Variants in CYP7B1 observed in about 807,000 individuals in gnomAD.
The protein encoded by CYP7B1 is cytochrome P450 family 7 subfamily B member 1, also known as cytochrome P450 7B1.
A neutral mutation model predicts 42.7 loss-of-function variants in CYP7B1; 29 were observed. The ratio of observed to expected loss-of-function variants is 0.68; its 90% CI spans 0.51 to 0.93. The LOEUF is 0.93. CYP7B1 is among the 40% of genes least tolerant of loss of function. The pLI, the probability that CYP7B1 is intolerant of heterozygous loss-of-function variation, is 0.00. For missense variants in CYP7B1, 655 were observed against 600.5 expected (o/e 1.09, Z -0.95); for synonymous variants, 235 against 218.2 (o/e 1.08, Z -0.68).
intron 1 of CYP7B1, among the ~76,000 whole-genome samples, chr8:64,724,490 A>G (rs1297286874): frequency 1.3e-5 from 2 of 152,178 alleles, no homozygotes; most frequent in African/African-American, 4.8e-5. Flanking sequence ...TGACAACAGC[A>G]TATTATTCTG....
chr8:64,725,790 T>C (rs899545013), intron 1 of CYP7B1, among the ~76,000 whole-genome samples: 29 of 152,242 alleles, frequency 1.9e-4, no homozygotes, highest in African/African-American at 6.5e-4. Context: ...CACACAGTGA[T>C]AGAGAAAAGC....
intron 1 of CYP7B1, among the ~76,000 whole-genome samples, chr8:64,654,904 A>C (rs1046679083): frequency 2.6e-5 from 4 of 152,208 alleles, no homozygotes; most frequent in Non-Finnish European, 5.9e-5. Context: ...CAAAGCTGAC[A>C]AAAACAAGCA....
At chr8:64,797,509 T>C (rs1585920469) in intron 1 of CYP7B1, among the ~76,000 whole-genome samples, 1 of 151,982 alleles carries the variant, frequency 6.6e-6, no homozygotes, top group African/African-American at 2.4e-5. Context: ...CTCTGAAAAC[T>C]GACATGGGAA....
At chr8:64,632,294 T>C (rs1805708744) in intron 1 of CYP7B1, among the ~76,000 whole-genome samples, 1 of 152,232 alleles carries the variant, frequency 6.6e-6, no homozygotes, top group South Asian at 2.1e-4. Flanking sequence ...CGGAGGACAT[T>C]ATCCTAAATG....
intron 1 of CYP7B1, among the ~76,000 whole-genome samples, chr8:64,652,500 T>C (rs1467946817): frequency 6.6e-6 from 1 of 152,058 alleles, no homozygotes; most frequent in African/African-American, 2.4e-5. Context: ...ACAATAAAAA[T>C]AGAAGTCAAG....
intron 2 of CYP7B1, among the ~76,000 whole-genome samples, chr8:64,618,847 A>G (rs1284013408): frequency 6.6e-6 from 1 of 152,038 alleles, no homozygotes; most frequent in Non-Finnish European, 1.5e-5. Context: ...TGTAGATCTA[A>G]TCTCACTCCT....
chr8:64,599,984 C>T (rs1222099280), intron 5 of CYP7B1, among the ~76,000 whole-genome samples: 2 of 152,168 alleles, frequency 1.3e-5, no homozygotes, highest in African/African-American at 4.8e-5. Flanking sequence ...ATGTTTAAAG[C>T]CTTCAACACA....
intron 1 of CYP7B1, among the ~76,000 whole-genome samples, chr8:64,669,826 T>G (rs1422371263): frequency 4.6e-5 from 7 of 152,146 alleles, no homozygotes; most frequent in Admixed American, 4.6e-4. Context: ...TTGTAAAAAC[T>G]TGTTGGATGA....
intron 1 of CYP7B1, among the ~76,000 whole-genome samples, chr8:64,680,577 C>T (rs549510656): frequency 6.7e-6 from 1 of 148,304 alleles, no homozygotes; most frequent in East Asian, 1.9e-4. Flanking sequence ...CAAAAAAAAA[C>T]CACTGCATGG....
chr8:64,617,210 C>T (rs1400263054), intron 2 of CYP7B1, among the ~76,000 whole-genome samples: 4 of 152,036 alleles, frequency 2.6e-5, no homozygotes, highest in African/African-American at 7.2e-5. Context: ...GGGATGCTTG[C>T]GAAAAATACA....
intron 1 of CYP7B1, chr8:64,734,400 T>A (rs1488815837): frequency 6.6e-6 from 1 of 152,182 alleles, no homozygotes; most frequent in African/African-American, 2.4e-5. Context: ...GTGTCTGGTA[T>A]CTCTGCTTCT....
At position 64,738,637 on chromosome 8, in the gene CYP7B1, T is replaced by C. The variant is rs114483583; in HGVS notation, c.122+59829A>G. On this transcript the variant is annotated intron_variant, in intron 1 of 5. Transcript: ENST00000310193. ...TAAACTTCTGGTTTCAGCTCCAATA[T>C]GTAAAGAGCTGGGAAGTCATCACTT... 9.9e-3 allele frequency among the ~76,000 whole-genome samples: 1,511 copies of C among 152,224 alleles called. 20 individuals are homozygous for C. Among genetic ancestry groups the C allele is most frequent in the African/African-American group, 0.033 (1,353 of 41,532 alleles).
At chr8:64,670,498 T>C (rs1449097929) in intron 1 of CYP7B1, among the ~76,000 whole-genome samples, 1 of 152,114 alleles carries the variant, frequency 6.6e-6, no homozygotes, top group Non-Finnish European at 1.5e-5. Flanking sequence ...CAGTAAAATA[T>C]AACACTGAGT....
chr8:64,677,807 A>G (rs1806474202), intron 1 of CYP7B1, among the ~76,000 whole-genome samples: 1 of 143,360 alleles, frequency 7.0e-6, no homozygotes, highest in African/African-American at 2.7e-5. Context: ...GATCATTGTC[A>G]TGTAGTTAGC....
At chr8:64,766,770 C>A (rs1170941659) in intron 1 of CYP7B1, among the ~76,000 whole-genome samples, 1 of 152,218 alleles carries the variant, frequency 6.6e-6, no homozygotes, top group Non-Finnish European at 1.5e-5. Context: ...AAGCCACTAA[C>A]CAGATGATCC....
Position 64,592,730 on chromosome 8 carries a change from G to A in CYP7B1, c.*3912C>T, listed in dbSNP as rs764050455. On this transcript the variant is annotated 3_prime_UTR_variant, in exon 6 of 6. Transcript: ENST00000310193. ...ACCATAAATCCATACACGTTACTGTGTTTAATCGTTACAATGAACTCTGAT... is the reference window on the plus strand; with the variant it reads ...ACCATAAATCCATACACGTTACTGTATTTAATCGTTACAATGAACTCTGAT... Among the ~76,000 whole-genome samples, 2 of 152,162 alleles carry A rather than the reference G, an allele frequency of 1.3e-5. No homozygotes were observed. The highest frequency in any genetic ancestry group is 2.9e-5 in the Non-Finnish European group (2 of 68,030).
At chr8:64,653,441 C>T (rs1160275790) in intron 1 of CYP7B1, among the ~76,000 whole-genome samples, 1 of 152,168 alleles carries the variant, frequency 6.6e-6, no homozygotes, top group Non-Finnish European at 1.5e-5. Flanking sequence ...CCTCTCAAGA[C>T]TGAACCAGGA....
At chr8:64,624,089 C>T (rs113300054) in intron 2 of CYP7B1, among the ~76,000 whole-genome samples, 10 of 152,066 alleles carry the variant, frequency 6.6e-5, no homozygotes, top group African/African-American at 2.4e-4. Context: ...TTAAAAAATA[C>T]ATTCTAGCTT....
At chr8:64,764,222 C>T (rs916321651) in intron 1 of CYP7B1, among the ~76,000 whole-genome samples, 2 of 69,984 alleles carry the variant, frequency 2.9e-5, no homozygotes, top group African/African-American at 1.3e-4. Context: ...TACCCAGCTT[C>T]CACGCTGCCC....
Sources: allele counts gnomAD v4.1 joint callset (sites outside exome capture counted in the v4.1 genomes callset), GRCh38; gene constraint gnomAD v4.1.1; transcripts MANE v1.5; gene names NCBI Gene and HGNC (gene_info 2026-07-23, HGNC 2026-07-21).